Variants in STXBP4 observed in about 807,000 individuals in gnomAD.
STXBP4 encodes the protein syntaxin binding protein 4.
A neutral mutation model predicts 76.1 loss-of-function variants in STXBP4; 55 were observed. The observed-to-expected ratio is 0.72, with a 90% CI of 0.58 to 0.91. STXBP4 has a LOEUF of 0.91. Among genes scored for constraint, STXBP4 ranks in the 40% least tolerant of loss-of-function variants. The probability of loss-of-function intolerance (pLI) is 0.00; values close to 1 mark genes in which losing one functional copy is unlikely to be tolerated. For synonymous variants in STXBP4, 201 were observed against 220.2 expected, an observed-to-expected ratio of 0.91 and a Z score of 0.77; for missense variants, 618 against 636.9, an observed-to-expected ratio of 0.97 and a Z score of 0.32.
rs1598362412 is a variant in STXBP4 at position 55,167,714 on chromosome 17, G to A, written c.*7803G>A. On this transcript the variant is annotated 3_prime_UTR_variant, in exon 18 of 18. Transcript: ENST00000376352. The stretch of plus-strand genomic sequence containing the variant: ...TTATGGGTTAATTAATCATGTTACT[G>A]AAGAATTGATTTGGCACAAGGGAGC... The A allele has an allele frequency of 6.6e-6, 1 of 152,192 alleles. No homozygotes were observed. The highest frequency in any genetic ancestry group is 6.5e-5 in the Admixed American group (1 of 15,284). The allele number at this position is 152,192 out of a possible 1,614,324, so 9.4% of individuals were successfully genotyped here.
chr17:55,131,868 T>A (rs1190758761), intron 16 of STXBP4, among the ~76,000 whole-genome samples: 1 of 152,124 alleles, frequency 6.6e-6, no homozygotes, highest in South Asian at 2.1e-4. Flanking sequence ...GCTCAAGCGA[T>A]CCTCCCACCT....
At chr17:55,052,043 A>G (rs1221324416) in intron 12 of STXBP4, among the ~76,000 whole-genome samples, 2 of 152,088 alleles carry the variant, frequency 1.3e-5, no homozygotes, top group African/African-American at 2.4e-5. Flanking sequence ...TAAGTCAGGG[A>G]CTATCTGTAT....
At chr17:54,978,655 G>T (rs2077505069) in intron 1 of STXBP4, among the ~76,000 whole-genome samples, 1 of 152,018 alleles carries the variant, frequency 6.6e-6, no homozygotes, top group Non-Finnish European at 1.5e-5. Flanking sequence ...TGCCAAGAAG[G>T]TACACTGGAA....
rs1375518566 is a variant in STXBP4, at chr17:55,162,813, C to T, written c.*2902C>T. 6.6e-6 allele frequency: 1 copy of T among 152,162 alleles called. No homozygotes were observed. Among genetic ancestry groups the T allele is most frequent in the Non-Finnish European group, 1.5e-5 (1 of 68,024 alleles). The allele number at this position is 152,162 out of a possible 1,614,324, so 9.4% of individuals were successfully genotyped here. On this transcript the variant is annotated 3_prime_UTR_variant, in exon 18 of 18. Coordinates refer to ENST00000376352, the MANE Select transcript of STXBP4 (RefSeq NM_178509.6). Reference sequence around the variant, plus strand: ...TGGTTTTGACATGTTATGTTGTGGTCATCTTTTCATGTCAATACATAGATT... The same window carrying T: ...TGGTTTTGACATGTTATGTTGTGGTTATCTTTTCATGTCAATACATAGATT...
chr17:54,982,866 C>A (rs1399081521), intron 1 of STXBP4, among the ~76,000 whole-genome samples: 1 of 152,188 alleles, frequency 6.6e-6, no homozygotes, highest in Non-Finnish European at 1.5e-5. Flanking sequence ...TCCTTACTCT[C>A]TCATTCCACT....
chr17:55,016,238 C>T (rs541394461), intron 8 of STXBP4, among the ~76,000 whole-genome samples: 2,026 of 152,178 alleles, frequency 0.013, 34 homozygotes, highest in African/African-American at 0.046. Flanking sequence ...TTACACTCAC[C>T]GATGTAGCAG....
intron 16 of STXBP4, among the ~76,000 whole-genome samples, chr17:55,091,920 C>G (rs941896155): frequency 1.1e-4 from 17 of 152,146 alleles, no homozygotes; most frequent in African/African-American, 4.1e-4. Flanking sequence ...GGGTCCCATT[C>G]CTAAGGTACC....
At position 55,012,006 on chromosome 17, in the gene STXBP4, G is replaced by A. The variant is rs545214226; in HGVS notation, c.666+4409G>A. 3.6e-4 allele frequency among the ~76,000 whole-genome samples: 55 copies of A among 152,282 alleles called. 1 individual carries two copies. The highest frequency in any genetic ancestry group is 6.8e-3 in the Middle Eastern group (2 of 294). ...ACATCAGAGCATGGGCTAGCAGGCCGGTCCAGGGGTCCGCGGTAGATCTTA... is the reference window on the plus strand; with the variant it reads ...ACATCAGAGCATGGGCTAGCAGGCCAGTCCAGGGGTCCGCGGTAGATCTTA... On this transcript the variant is annotated intron_variant, in intron 8 of 17. Transcript: ENST00000376352.
At chr17:55,042,842 A>T (rs66704361) in intron 10 of STXBP4, among the ~76,000 whole-genome samples, 1 of 151,982 alleles carries the variant, frequency 6.6e-6, no homozygotes, top group African/African-American at 2.4e-5. Context: ...CATCTGATTT[A>T]TAATGTACAG....
At chr17:55,002,916 T>C (rs1043212600) in intron 7 of STXBP4, among the ~76,000 whole-genome samples, 5 of 152,132 alleles carry the variant, frequency 3.3e-5, no homozygotes, top group Non-Finnish European at 7.3e-5. Context: ...TAGCTTAGAG[T>C]GTAGCTCAGA....
chr17:55,082,250 C>T (rs1325814654), intron 16 of STXBP4, among the ~76,000 whole-genome samples: 1 of 152,168 alleles, frequency 6.6e-6, no homozygotes, highest in Non-Finnish European at 1.5e-5. Flanking sequence ...TAGACTGATA[C>T]AGGAACATTG....
chr17:55,076,195 G>T (rs923983557), intron 13 of STXBP4, among the ~76,000 whole-genome samples: 5 of 152,014 alleles, frequency 3.3e-5, no homozygotes, highest in Admixed American at 3.3e-4. Context: ...ATTTTTGTCA[G>T]TATTTTAGTT....
intron 4 of STXBP4, among the ~76,000 whole-genome samples, chr17:54,998,487 G>T (rs554406554): frequency 6.6e-6 from 1 of 152,182 alleles, no homozygotes; most frequent in African/African-American, 2.4e-5. Flanking sequence ...ATTAACTCTT[G>T]TTCCTGATAT....
intron 16 of STXBP4, among the ~76,000 whole-genome samples, chr17:55,101,608 TAAGA>T (rs1175518961): frequency 6.6e-6 from 1 of 152,204 alleles, no homozygotes; most frequent in Non-Finnish European, 1.5e-5. Context: ...ATGCATTCAA[TAAGA>T]AAGAGGGAAA....
chr17:55,113,965 T>G (rs746237881), intron 16 of STXBP4, among the ~76,000 whole-genome samples: 1 of 152,122 alleles, frequency 6.6e-6, no homozygotes, highest in African/African-American at 2.4e-5. Context: ...TCTTAACTTC[T>G]CTGTACCTCA....
chr17:54,983,668 T>C (rs2077582076), intron 1 of STXBP4, among the ~76,000 whole-genome samples: 1 of 152,164 alleles, frequency 6.6e-6, no homozygotes, highest in Admixed American at 6.5e-5. Context: ...AATAAATACA[T>C]TTGGAATACA....
In STXBP4 at chr17:55,105,089, A is replaced by AT. The variant is rs558780688; in HGVS notation, c.1489+23912dup. ...AAAAAAACAGCTCCTGGATTCGTTGATTTTTTGAAGGGTTTTTCGTGTCTC... is the reference window on the plus strand; with the variant it reads ...AAAAAAACAGCTCCTGGATTCGTTGATTTTTTTGAAGGGTTTTTCGTGTCTC... On this transcript the variant is annotated intron_variant, in intron 16 of 17. Coordinates refer to ENST00000376352, the MANE Select transcript of STXBP4 (RefSeq NM_178509.6). 1.5e-3 allele frequency among the ~76,000 whole-genome samples: 222 copies of AT among 152,090 alleles called. 7 individuals carry two copies. The South Asian group carries it at 0.045, about 31-fold the overall frequency.
rs537709792 is a variant in STXBP4 at position 55,097,587 on chromosome 17, C to T, written c.1489+16404C>T. Among the ~76,000 whole-genome samples, 774 of 151,448 alleles carry T rather than the reference C, an allele frequency of 5.1e-3. 3 individuals carry two copies. The highest frequency in any genetic ancestry group is 6.3e-3 in the Non-Finnish European group (431 of 67,912). On this transcript the variant is annotated intron_variant, in intron 16 of 17. Transcript: ENST00000376352. ...CTGAGGCAGGAGAATGGCATGAACC[C>T]GGGAGGCGGAGCTTGCAATGAGCTG...
intron 7 of STXBP4, 149 bp from the exon 8 acceptor site, chr17:55,007,354 AAAG>A (rs1310088129): frequency 3.0e-6 from 2 of 665,234 alleles, no homozygotes; most frequent in Admixed American, 2.6e-5. Context: ...AAAAAAAAGA[AAAG>A]AAAAAAAAAT....
Sources: allele counts gnomAD v4.1 joint callset (sites outside exome capture counted in the v4.1 genomes callset), GRCh38; gene constraint gnomAD v4.1.1; transcripts MANE v1.5; gene names NCBI Gene and HGNC (gene_info 2026-07-23, HGNC 2026-07-21).